WWOX: variants seen among roughly 807,000 people sequenced by gnomAD.
WWOX encodes the protein WW domain containing oxidoreductase.
WWOX carries 69 observed loss-of-function variants against 46.2 expected under a neutral mutation model. That is an observed-to-expected ratio of 1.49 (90% CI 1.23 to 1.82). The LOEUF is 1.82. WWOX is among the 40% of genes most tolerant of loss of function. The pLI, the probability that WWOX is intolerant of heterozygous loss-of-function variation, is 0.00. For missense variants in WWOX, 919 were observed against 542.6 expected (o/e 1.69, Z -6.89); for synonymous variants, 359 against 202.6 (o/e 1.77, Z -6.56).
chr16:78,914,898 A>G (rs1013858858), intron 8 of WWOX, among the ~76,000 whole-genome samples: 4 of 151,314 alleles, frequency 2.6e-5, no homozygotes, highest in African/African-American at 4.9e-5. Context: ...AAAAAAAAAA[A>G]AAAAAGGAAC....
At chr16:78,139,523 T>C (rs2033913062) in intron 4 of WWOX, among the ~76,000 whole-genome samples, 1 of 152,146 alleles carries the variant, frequency 6.6e-6, no homozygotes, top group African/African-American at 2.4e-5. Flanking sequence ...CAGGCGCCTA[T>C]AATCCCAGCT....
intron 8 of WWOX, among the ~76,000 whole-genome samples, chr16:78,444,177 C>G (rs1158541895): frequency 6.6e-6 from 1 of 152,194 alleles, no homozygotes; most frequent in African/African-American, 2.4e-5. Context: ...ATGTTCCCAG[C>G]TCCGTGCCGG....
At chr16:78,588,944 T>C (rs2045287112) in intron 8 of WWOX, among the ~76,000 whole-genome samples, 1 of 152,182 alleles carries the variant, frequency 6.6e-6, no homozygotes, top group South Asian at 2.1e-4. Context: ...CTTTGTTTCT[T>C]ATCTCTACTG....
intron 8 of WWOX, among the ~76,000 whole-genome samples, chr16:79,012,493 C>G (rs1448870919): frequency 1.3e-5 from 2 of 152,126 alleles, no homozygotes; most frequent in African/African-American, 2.4e-5. Flanking sequence ...CCTTAGCCTC[C>G]TAAAGTACTG....
At chr16:78,411,999 C>T (rs1454005981) in intron 6 of WWOX, among the ~76,000 whole-genome samples, 1 of 152,190 alleles carries the variant, frequency 6.6e-6, no homozygotes, top group African/African-American at 2.4e-5. Flanking sequence ...TCCTTGTCAA[C>T]AGAGCATGTG....
At chr16:78,547,906 C>T (rs1203019784) in intron 8 of WWOX, among the ~76,000 whole-genome samples, 1 of 152,074 alleles carries the variant, frequency 6.6e-6, no homozygotes, top group Non-Finnish European at 1.5e-5. Flanking sequence ...AATCCCAGCA[C>T]TTTGGGAGGC....
chr16:78,911,371 A>G (rs1553821), intron 8 of WWOX, among the ~76,000 whole-genome samples: 140,177 of 151,988 alleles, frequency 0.92, 65,728 homozygotes, highest in East Asian at 1. Context: ...CTGTTTTATT[A>G]GGCATGGAGA....
At chr16:78,394,928 T>C (rs775794352) in intron 6 of WWOX, among the ~76,000 whole-genome samples, 1 of 152,194 alleles carries the variant, frequency 6.6e-6, no homozygotes, top group Non-Finnish European at 1.5e-5. Flanking sequence ...GGCAAACTAC[T>C]GAAAATCTCT....
intron 5 of WWOX, among the ~76,000 whole-genome samples, chr16:78,351,276 A>G (rs1309163361): frequency 3.3e-5 from 5 of 152,226 alleles, no homozygotes; most frequent in Admixed American, 1.3e-4. Flanking sequence ...AGTCCATATC[A>G]CTTTTCCTTT....
chr16:79,129,730 TAATA>T (rs140617853), intron 8 of WWOX, among the ~76,000 whole-genome samples: 2,261 of 152,278 alleles, frequency 0.015, 33 homozygotes, highest in Middle Eastern at 0.058. Context: ...CTAAAGCCAT[TAATA>T]AATAAATTAT....
intron 8 of WWOX, among the ~76,000 whole-genome samples, chr16:78,508,309 C>CTTTTTT (rs2085268383): frequency 1.2e-5 from 1 of 81,240 alleles, no homozygotes. Flanking sequence ...CTGCGCCCGG[C>CTTTTTT]CTTTTTTTTT....
intron 8 of WWOX, among the ~76,000 whole-genome samples, chr16:78,646,671 G>T (rs749146779): frequency 6.6e-6 from 1 of 152,124 alleles, no homozygotes; most frequent in Non-Finnish European, 1.5e-5. Flanking sequence ...CAGGTGATCC[G>T]CCCTACTGGG....
At chr16:78,448,846 A>G (rs913394238) in intron 8 of WWOX, among the ~76,000 whole-genome samples, 3 of 152,106 alleles carry the variant, frequency 2.0e-5, no homozygotes, top group Non-Finnish European at 4.4e-5. Flanking sequence ...GTGATTGTCA[A>G]CTGTCTTGGC....
chr16:78,748,484 A>C (rs1055158527), intron 8 of WWOX, among the ~76,000 whole-genome samples: 2 of 152,146 alleles, frequency 1.3e-5, no homozygotes, highest in South Asian at 4.1e-4. Flanking sequence ...TGTAAAGTTC[A>C]CCTTTCGGCT....
intron 5 of WWOX, among the ~76,000 whole-genome samples, chr16:78,360,082 A>AT (rs1028790011): frequency 2.0e-5 from 3 of 152,286 alleles, no homozygotes; most frequent in African/African-American, 7.2e-5. Flanking sequence ...TGTCAAAAAG[A>AT]TTTTCCCCCA....
chr16:78,362,894 G>T (rs905533431), intron 5 of WWOX, among the ~76,000 whole-genome samples: 4 of 152,176 alleles, frequency 2.6e-5, no homozygotes, highest in Admixed American at 2.6e-4. Context: ...ATGCGTAAAG[G>T]AGGTGGTGGT....
intron 8 of WWOX, among the ~76,000 whole-genome samples, chr16:79,007,589 G>A (rs1176166681): frequency 1.3e-5 from 2 of 152,210 alleles, no homozygotes; most frequent in African/African-American, 4.8e-5. Context: ...ACTTTATATG[G>A]CAAAAGGGAA....
intron 8 of WWOX, chr16:78,898,804 A>G (rs1480017728): frequency 6.6e-6 from 1 of 152,104 alleles, no homozygotes; most frequent in East Asian, 1.9e-4. Context: ...GTGATATTTG[A>G]TGATTTTGAA....
chr16:78,741,431 A>G (rs1222931970), intron 8 of WWOX, among the ~76,000 whole-genome samples: 1 of 152,134 alleles, frequency 6.6e-6, no homozygotes, highest in Non-Finnish European at 1.5e-5. Context: ...GTGGTGGCGC[A>G]TGTCTGTAAT....
Sources: gnomAD v4.1 joint callset for allele counts (sites outside exome capture counted in the v4.1 genomes callset) on GRCh38, gnomAD v4.1.1 for gene constraint, MANE v1.5 for transcripts, NCBI Gene and HGNC (gene_info 2026-07-23, HGNC 2026-07-21) for gene names.